The following SEC63 variants were observed in gnomAD, a reference collection of about 807,000 sequenced individuals.
SEC63 encodes translocation protein SEC63 homolog.
A neutral mutation model predicts 116.2 loss-of-function variants in SEC63; 56 were observed. The observed-to-expected ratio is 0.48, with a 90% CI of 0.39 to 0.60. The LOEUF is 0.60. Among genes scored for constraint, SEC63 ranks in the 20% least tolerant of loss-of-function variants. The pLI, the probability that SEC63 is intolerant of heterozygous loss-of-function variation, is 0.00. For synonymous variants in SEC63, 273 were observed against 294.6 expected, an observed-to-expected ratio of 0.93 and a Z score of 0.75; for missense variants, 668 against 900.0, an observed-to-expected ratio of 0.74 and a Z score of 3.30.
intron 1 of SEC63, among the ~76,000 whole-genome samples, chr6:107,956,388 A>G (rs903252338): frequency 5.3e-5 from 8 of 152,228 alleles, no homozygotes; most frequent in African/African-American, 1.9e-4. Context: ...CTAGGTTTGC[A>G]GATAAGAAAA....
At chr6:107,884,525 GA>G (rs1786485315) in intron 16 of SEC63, among the ~76,000 whole-genome samples, 1 of 151,920 alleles carries the variant, frequency 6.6e-6, no homozygotes, top group Admixed American at 6.6e-5. Flanking sequence ...AAATCAATAA[GA>G]AAAATGCAGA....
chr6:107,947,699 C>G (rs1770504833), intron 1 of SEC63, among the ~76,000 whole-genome samples: 2 of 152,226 alleles, frequency 1.3e-5, no homozygotes, highest in Middle Eastern at 3.4e-3. Flanking sequence ...AATTCAAAAT[C>G]TGCACTCCAC....
At chr6:107,885,521 T>C (rs1352623738) in intron 16 of SEC63, among the ~76,000 whole-genome samples, 1 of 152,150 alleles carries the variant, frequency 6.6e-6, no homozygotes, top group Non-Finnish European at 1.5e-5. Context: ...TTAATGAAGA[T>C]AAACCACAAT....
rs1770635358 is a variant in SEC63 at position 107,953,772 on chromosome 6, CCGCCCCG to C, written c.124+4107_124+4113del. On this transcript the variant is annotated intron_variant, in intron 1 of 20. Transcript: ENST00000369002. ...GGGGTTCAGCCCCCCGCCCGGCCAG[CCGCCCCG>C]TCCGGGAGGGAGGTGGGGGTGTGAG... 2.8e-5 allele frequency among the ~76,000 whole-genome samples: 4 copies of C among 141,804 alleles called. No individual in the cohort carries two copies. The South Asian group carries it at 9.0e-4, about 32-fold the overall frequency. 93.0% of individuals were successfully genotyped at this position (141,804 alleles called of 152,430 possible).
Position 107,929,399 on chromosome 6 carries a change from GA to G in SEC63, c.224+15del. The stretch of plus-strand genomic sequence containing the variant: ...TAAGCATTAAGTAGGTTTTTTTCTT[GA>G]AATCCATTACTTACTTTACTGTAGG... On this transcript the variant is annotated intron_variant, in intron 2 of 20. Coordinates refer to ENST00000369002, the MANE Select transcript of SEC63 (RefSeq NM_007214.5). The G allele has an allele frequency of 7.2e-7, 1 of 1,382,396 alleles. No individual in the cohort carries two copies. The highest frequency in any genetic ancestry group is 1.0e-6 in the Non-Finnish European group (1 of 972,254). 85.6% of individuals were successfully genotyped at this position (1,382,396 alleles called of 1,614,324 possible). A position where few individuals can be genotyped will look rare whatever the true frequency, so the allele number is the denominator to read the frequency against.
At position 107,957,989 on chromosome 6, in the gene SEC63, C is replaced by G. The variant is rs758291519; in HGVS notation, c.21G>C (p.Gln7His). The change falls in exon 1 of 21, where the codon CAG (glutamine) becomes CAC (histidine). Residue 7 changes from glutamine to histidine, a missense_variant. Transcript: ENST00000369002. MAGQQF[Q>H]YDDSGNTFFY... ...AGAAGGTGTTCCCACTGTCATCGTACTGGAACTGCTGCCCGGCCATGGCAC... is the reference window on the plus strand; with the variant it reads ...AGAAGGTGTTCCCACTGTCATCGTAGTGGAACTGCTGCCCGGCCATGGCAC... 6.2e-7 allele frequency: 1 copy of G among 1,613,352 alleles called. No homozygotes were observed. Among genetic ancestry groups the G allele is most frequent in the African/African-American group, 1.3e-5 (1 of 74,872 alleles).
intron 10 of SEC63, among the ~76,000 whole-genome samples, chr6:107,905,206 T>C (rs1337349388): frequency 5.3e-5 from 8 of 152,232 alleles, no homozygotes; most frequent in Non-Finnish European, 7.3e-5. Context: ...TACTCAACAA[T>C]GATTTGTTTC....
At chr6:107,924,750 G>C in intron 3 of SEC63, 68 bp downstream of exon 3, 1 of 790,210 alleles carries the variant, frequency 1.3e-6, no homozygotes, top group South Asian at 1.4e-5. Context: ...ATTTCTTTTA[G>C]AATGAGGACC....
At chr6:107,947,994 G>C (rs1770510212) in intron 1 of SEC63, among the ~76,000 whole-genome samples, 1 of 152,166 alleles carries the variant, frequency 6.6e-6, no homozygotes, top group Non-Finnish European at 1.5e-5. Flanking sequence ...AAATACCTGA[G>C]TTGGTCGTAA....
chr6:107,907,045 C>T (rs1481022221), intron 8 of SEC63, among the ~76,000 whole-genome samples: 6 of 152,166 alleles, frequency 3.9e-5, no homozygotes, highest in South Asian at 4.1e-4. Flanking sequence ...ATTAAAATCA[C>T]TGAAAGTTCC....
intron 4 of SEC63, among the ~76,000 whole-genome samples, chr6:107,917,290 GAT>G (rs915594653): frequency 6.6e-6 from 1 of 152,190 alleles, no homozygotes; most frequent in Non-Finnish European, 1.5e-5. Flanking sequence ...GCTGTTAATA[GAT>G]ATGTGGGTAA....
At chr6:107,891,597 T>C (rs1786683238) in intron 16 of SEC63, among the ~76,000 whole-genome samples, 1 of 152,240 alleles carries the variant, frequency 6.6e-6, no homozygotes, top group South Asian at 2.1e-4. Context: ...CCAGTTTTGT[T>C]CCCTTGCTGG....
intron 2 of SEC63, among the ~76,000 whole-genome samples, chr6:107,928,221 G>A (rs1322481159): frequency 2.6e-5 from 4 of 152,068 alleles, no homozygotes; most frequent in East Asian, 1.9e-4. Context: ...GGTGGCTCAC[G>A]CCTGTGATCC....
chr6:107,870,170 A>T lies in SEC63; in HGVS notation c.*1534T>A, dbSNP rs1188869831. The T allele has an allele frequency of 6.5e-6, 1 of 152,700 alleles. No homozygotes were observed. The highest frequency in any genetic ancestry group is 2.4e-5 in the African/African-American group (1 of 41,408). 9.5% of individuals were successfully genotyped at this position (152,700 alleles called of 1,614,324 possible). A position where few individuals can be genotyped will look rare whatever the true frequency, so the allele number is the denominator to read the frequency against. Reference sequence around the variant, plus strand: ...ACTTGTACAATGAAGTAAATGAAAAAAATCCTCAGTGACACTGCCTCCTGC... The same window carrying T: ...ACTTGTACAATGAAGTAAATGAAAATAATCCTCAGTGACACTGCCTCCTGC... On this transcript the variant is annotated 3_prime_UTR_variant, in exon 21 of 21. Coordinates refer to ENST00000369002, the MANE Select transcript of SEC63 (RefSeq NM_007214.5).
intron 3 of SEC63, 122 bp downstream of exon 3, chr6:107,924,696 T>C: frequency 1.5e-6 from 1 of 653,016 alleles, no homozygotes; most frequent in East Asian, 2.7e-5. Context: ...CATCTTATTT[T>C]AATAAACAAA....
At position 107,939,750 on chromosome 6, in the gene SEC63, T is replaced by G. The variant is rs1276394689; in HGVS notation, c.125-10236A>C. ...GATTGTCTCAAAAACTAAAAAATAG[T>G]TAAAAATAAAAATAATTTAAAAAAA... is the stretch of plus-strand genomic sequence containing the variant. On this transcript the variant is annotated intron_variant, in intron 1 of 20. Coordinates refer to ENST00000369002, the MANE Select transcript of SEC63 (RefSeq NM_007214.5). Among the ~76,000 whole-genome samples, 6 of 152,132 alleles carry G rather than the reference T, an allele frequency of 3.9e-5. No homozygotes were observed. In the East Asian group the frequency reaches 1.2e-3, roughly 29 times the overall value.
intron 3 of SEC63, among the ~76,000 whole-genome samples, chr6:107,923,414 A>G (rs1410727504): frequency 6.6e-6 from 1 of 152,186 alleles, no homozygotes; most frequent in African/African-American, 2.4e-5. Flanking sequence ...GCGGCTGGCC[A>G]AAAGACTAGT....
chr6:107,890,464 T>C (rs919155580), intron 16 of SEC63, among the ~76,000 whole-genome samples: 17 of 152,186 alleles, frequency 1.1e-4, no homozygotes, highest in African/African-American at 3.6e-4. Context: ...ATGTGTGTCT[T>C]TTCACGTGAG....
intron 1 of SEC63, among the ~76,000 whole-genome samples, chr6:107,944,696 CAAAATAAAAATA>C (rs57347234): frequency 1.3e-5 from 2 of 148,958 alleles, no homozygotes; most frequent in Non-Finnish European, 3.0e-5. Flanking sequence ...CTCTTGTCTC[CAAAATAAAAATA>C]AAAATAAAAA....
Sources: allele counts gnomAD v4.1 joint callset (sites outside exome capture counted in the v4.1 genomes callset), GRCh38; gene constraint gnomAD v4.1.1; transcripts MANE v1.5; gene names NCBI Gene and HGNC (gene_info 2026-07-23, HGNC 2026-07-21).